The following LPP variants were observed in gnomAD, a reference collection of about 807,000 sequenced individuals.
The protein encoded by LPP is lipoma-preferred partner.
Under a neutral mutation model 60.4 loss-of-function variants are expected in LPP, and 38 were observed. That is an observed-to-expected ratio of 0.63 (90% CI 0.49 to 0.83). The LOEUF (loss-of-function observed/expected upper bound fraction) is 0.83, where lower values mean the gene tolerates loss of function less well. Ranked by LOEUF, LPP falls within the 40% of genes least tolerant of loss-of-function variation. The pLI is 0.00. For synonymous variants in LPP, 328 were observed against 290.8 expected, an observed-to-expected ratio of 1.13 and a Z score of -1.30; for missense variants, 902 against 783.6, an observed-to-expected ratio of 1.15 and a Z score of -1.80.
rs1770809356 is a variant in LPP at position 188,887,412 on chromosome 3, C to A, written c.*12933C>A. 2 of 215,184 alleles carry A rather than the reference C, an allele frequency of 9.3e-6. No homozygotes were observed. The highest frequency in any genetic ancestry group is 4.5e-5 in the African/African-American group (2 of 44,278). 13.3% of individuals were successfully genotyped at this position (215,184 alleles called of 1,614,324 possible). On this transcript the variant is annotated 3_prime_UTR_variant, in exon 12 of 12. Transcript: ENST00000617246. ...TTGAGCAGGTTATGATATATCTGCCCAATGTGTTTCATTCCTTCAAACATA... is the reference window on the plus strand; with the variant it reads ...TTGAGCAGGTTATGATATATCTGCCAAATGTGTTTCATTCCTTCAAACATA...
At position 188,888,700 on chromosome 3, in the gene LPP, C is replaced by G. The variant is rs1770948929; in HGVS notation, c.*14221C>G. On this transcript the variant is annotated 3_prime_UTR_variant, in exon 12 of 12. Transcript: ENST00000617246. ...CGGTACCCAGAGTCGTACTGTGCAG[C>G]CTTCAAAAACATACCATCAGAAAGA... The G allele has an allele frequency of 2.7e-5, 6 of 221,252 alleles. No homozygotes were observed. Among genetic ancestry groups the G allele is most frequent in the Non-Finnish European group, 5.4e-5 (6 of 110,556 alleles). The allele number at this position is 221,252 out of a possible 1,614,324, so 13.7% of individuals were successfully genotyped here.
chr3:188,604,820 T>C (rs569947755), intron 6 of LPP, among the ~76,000 whole-genome samples: 1 of 152,250 alleles, frequency 6.6e-6, no homozygotes, highest in South Asian at 2.1e-4. Flanking sequence ...AGCAGACATA[T>C]GCACATGTGA....
At chr3:188,226,542 G>T (rs544385810) in intron 2 of LPP, among the ~76,000 whole-genome samples, 36 of 152,098 alleles carry the variant, frequency 2.4e-4, no homozygotes, top group Admixed American at 2.3e-3. Flanking sequence ...AAAAAATCGG[G>T]GTGGTAAAAA....
chr3:188,346,414 C>G (rs1009948981), intron 3 of LPP, among the ~76,000 whole-genome samples: 5 of 151,202 alleles, frequency 3.3e-5, no homozygotes, highest in Admixed American at 2.0e-4. Flanking sequence ...TGCACACCCC[C>G]ACGCCCAGCT....
intron 2 of LPP, among the ~76,000 whole-genome samples, chr3:188,293,948 C>A (rs1746921844): frequency 6.6e-6 from 1 of 151,116 alleles, no homozygotes; most frequent in Non-Finnish European, 1.5e-5. Flanking sequence ...TGCCTGTAAT[C>A]CCAGCTACTC....
chr3:188,621,780 C>G (rs1845852004), intron 7 of LPP, among the ~76,000 whole-genome samples: 1 of 152,076 alleles, frequency 6.6e-6, no homozygotes, highest in Non-Finnish European at 1.5e-5. Context: ...CTGCCTCAGC[C>G]TCCTGAGTAG....
At chr3:188,417,063 A>G (rs1032231069) in intron 4 of LPP, among the ~76,000 whole-genome samples, 1 of 152,140 alleles carries the variant, frequency 6.6e-6, no homozygotes, top group African/African-American at 2.4e-5. Flanking sequence ...CTGCATTCAG[A>G]GAGACCTGAT....
intron 4 of LPP, among the ~76,000 whole-genome samples, chr3:188,453,119 G>A (rs1029382327): frequency 3.3e-5 from 5 of 151,942 alleles, no homozygotes; most frequent in Admixed American, 6.6e-5. Flanking sequence ...TCCTGGTCAC[G>A]TCATTTCTCT....
rs115838508 is a variant in LPP at position 188,664,766 on chromosome 3, A to C, written c.1114-43501A>C. Among the ~76,000 whole-genome samples the C allele has an allele frequency of 7.9e-3, 1,203 of 152,230 alleles. 20 individuals are homozygous for C. The highest frequency in any genetic ancestry group is 0.028 in the African/African-American group (1,152 of 41,532). On this transcript the variant is annotated intron_variant, in intron 7 of 11. Coordinates refer to ENST00000617246, the MANE Select transcript of LPP (RefSeq NM_001375462.1). ...TATTCTGTGTTACTGATTTTTTTGG[A>C]TCAAATAGTGATTTTTCATGAGCTA... is the stretch of plus-strand genomic sequence containing the variant.
At chr3:188,477,010 C>A (rs1803409924) in intron 4 of LPP, among the ~76,000 whole-genome samples, 1 of 152,184 alleles carries the variant, frequency 6.6e-6, no homozygotes, top group Non-Finnish European at 1.5e-5. Flanking sequence ...CCAGGTGCCG[C>A]TTTATTAATA....
intron 3 of LPP, among the ~76,000 whole-genome samples, chr3:188,365,435 G>A (rs964350406): frequency 3.9e-5 from 6 of 152,138 alleles, no homozygotes; most frequent in South Asian, 4.1e-4. Context: ...TAAGTTTACC[G>A]TCACTTTTAG....
chr3:188,312,526 C>T (rs541092962), intron 2 of LPP, among the ~76,000 whole-genome samples: 1 of 152,204 alleles, frequency 6.6e-6, no homozygotes, highest in South Asian at 2.1e-4. Context: ...CTAGAAATGC[C>T]TTCCCCACTT....
At chr3:188,176,170 G>A (rs1722979431) in intron 1 of LPP, among the ~76,000 whole-genome samples, 1 of 152,208 alleles carries the variant, frequency 6.6e-6, no homozygotes, top group Non-Finnish European at 1.5e-5. Flanking sequence ...AGAGTTTACT[G>A]GGCCCCGTCT....
chr3:188,632,999 T>A lies in LPP; in HGVS notation c.1113+23155T>A, dbSNP rs115991160. Among the ~76,000 whole-genome samples the A allele has an allele frequency of 3.4e-3, 512 of 152,340 alleles. 2 individuals are homozygous for A. Among genetic ancestry groups the A allele is most frequent in the African/African-American group, 0.012 (479 of 41,574 alleles). ...AGGGAGAAAAGTCTAACATACTATCTTATTTATGCAATCTGAGGAAAGTTG... is the reference window on the plus strand; with the variant it reads ...AGGGAGAAAAGTCTAACATACTATCATATTTATGCAATCTGAGGAAAGTTG... On this transcript the variant is annotated intron_variant, in intron 7 of 11. Transcript: ENST00000617246.
intron 3 of LPP, among the ~76,000 whole-genome samples, chr3:188,386,917 G>A (rs375283784): frequency 5.9e-5 from 9 of 152,224 alleles, no homozygotes; most frequent in African/African-American, 2.2e-4. Flanking sequence ...TGACCCCAAA[G>A]TTGGTTTGCC....
rs960150470 is a variant in LPP, at chr3:188,546,339, C to T, written c.429+21552C>T. On this transcript the variant is annotated intron_variant, in intron 6 of 11. Coordinates refer to ENST00000617246, the MANE Select transcript of LPP (RefSeq NM_001375462.1). Reference sequence around the variant, plus strand: ...CCATGCTGTTACTAATCACCATTTCCATCCCTGTCTCTGTATCTCAGTTAG... The same window carrying T: ...CCATGCTGTTACTAATCACCATTTCTATCCCTGTCTCTGTATCTCAGTTAG... Among the ~76,000 whole-genome samples, 30 of 152,120 alleles carry T rather than the reference C, an allele frequency of 2.0e-4. 1 individual carries two copies. Among genetic ancestry groups the T allele is most frequent in the Non-Finnish European group, 3.1e-4 (21 of 68,012 alleles).
At position 188,613,903 on chromosome 3, in the gene LPP, TTTTA is replaced by T. The variant is rs55728018; in HGVS notation, c.1113+4095_1113+4098del. Among the ~76,000 whole-genome samples the T allele has an allele frequency of 2.8e-3, 406 of 142,622 alleles. 1 individual carries two copies. Among genetic ancestry groups the T allele is most frequent in the African/African-American group, 6.9e-3 (266 of 38,770 alleles). 93.6% of individuals were successfully genotyped at this position (142,622 alleles called of 152,430 possible). ...AGTAGTATGAGAATATTTAAATTAA[TTTTA>T]TTTATTTATTTATTTATTTATTTAT... On this transcript the variant is annotated intron_variant, in intron 7 of 11. Transcript: ENST00000617246.
intron 7 of LPP, among the ~76,000 whole-genome samples, chr3:188,657,105 T>G (rs1157172481): frequency 1.3e-5 from 2 of 151,812 alleles, no homozygotes; most frequent in Admixed American, 1.3e-4. Flanking sequence ...TGCTGGTCTT[T>G]AGGTATTTTA....
At chr3:188,159,290 A>G (rs142206349) in intron 1 of LPP, among the ~76,000 whole-genome samples, 1 of 152,146 alleles carries the variant, frequency 6.6e-6, no homozygotes, top group African/African-American at 2.4e-5. Flanking sequence ...AACACCTACA[A>G]TCCTTCCTAT....
Sources: gnomAD v4.1 joint callset for allele counts (sites outside exome capture counted in the v4.1 genomes callset) on GRCh38, gnomAD v4.1.1 for gene constraint, MANE v1.5 for transcripts, NCBI Gene and HGNC (gene_info 2026-07-23, HGNC 2026-07-21) for gene names.